ITPRID1: variants seen among roughly 807,000 people sequenced by gnomAD.
The protein encoded by ITPRID1 is protein ITPRID1.
Under a neutral mutation model 95.4 loss-of-function variants are expected in ITPRID1, and 96 were observed. The observed-to-expected ratio is 1.01, with a 90% CI of 0.85 to 1.19. The LOEUF (loss-of-function observed/expected upper bound fraction) is 1.19. Among genes scored for constraint, ITPRID1 ranks in the 50% most tolerant of loss-of-function variants. ITPRID1 has a pLI of 0.00. For synonymous variants in ITPRID1, 510 were observed against 453.6 expected (o/e 1.12, Z -1.58); for missense variants, 1,339 against 1,252.9 (o/e 1.07, Z -1.04).
intron 1 of ITPRID1, among the ~76,000 whole-genome samples, chr7:31,536,412 A>G (rs959994650): frequency 1.3e-5 from 2 of 152,000 alleles, no homozygotes; most frequent in Non-Finnish European, 2.9e-5. Context: ...CTTATTTATT[A>G]TACTTATTTT....
intron 14 of ITPRID1, among the ~76,000 whole-genome samples, 195 bp from the exon 15 acceptor site, chr7:31,652,323 A>G (rs1361227360): frequency 6.6e-6 from 1 of 152,128 alleles, no homozygotes; most frequent in Non-Finnish European, 1.5e-5. Context: ...CCAAATAAGA[A>G]TAAGAATCAC....
chr7:31,531,460 G>T (rs1165417205), intron 1 of ITPRID1, among the ~76,000 whole-genome samples: 1 of 152,160 alleles, frequency 6.6e-6, no homozygotes, highest in African/African-American at 2.4e-5. Context: ...TTTCTAATTT[G>T]GTTTTGAGGT....
chr7:31,541,432 A>C (rs191941718), intron 1 of ITPRID1, among the ~76,000 whole-genome samples: 1 of 152,230 alleles, frequency 6.6e-6, no homozygotes, highest in Non-Finnish European at 1.5e-5. Context: ...AAAGAGGACC[A>C]AAACAAGACA....
chr7:31,608,016 G>A (rs1786701768), intron 10 of ITPRID1, among the ~76,000 whole-genome samples: 1 of 151,878 alleles, frequency 6.6e-6, no homozygotes, highest in Admixed American at 6.6e-5. Context: ...ATCAATGATA[G>A]TTTCTGTGTA....
chr7:31,529,922 G>A (rs1783541153), intron 1 of ITPRID1: 1 of 919,448 alleles, frequency 1.1e-6, no homozygotes, highest in East Asian at 2.6e-5. Context: ...TGGAATGAAA[G>A]GGCAGCGATG....
chr7:31,534,221 G>A (rs985178000), intron 1 of ITPRID1, among the ~76,000 whole-genome samples: 23 of 152,194 alleles, frequency 1.5e-4, no homozygotes, highest in African/African-American at 5.3e-4. Context: ...AAAAGGTTGA[G>A]GACTGCTGGT....
At chr7:31,642,068 G>T in intron 10 of ITPRID1, 108 bp from the exon 11 acceptor site, 11 of 591,782 alleles carry the variant, frequency 1.9e-5, no homozygotes, top group Non-Finnish European at 2.6e-5. Context: ...CACACAGTGG[G>T]CATTTCTGCA....
chr7:31,534,738 T>C (rs1226261137), intron 1 of ITPRID1, among the ~76,000 whole-genome samples: 4 of 152,254 alleles, frequency 2.6e-5, no homozygotes, highest in East Asian at 1.9e-4. Context: ...AGGTGTTTTT[T>C]CCATGTACAT....
chr7:31,611,841 T>G (rs1362016872), intron 10 of ITPRID1, among the ~76,000 whole-genome samples: 2 of 151,944 alleles, frequency 1.3e-5, no homozygotes, highest in African/African-American at 4.8e-5. Context: ...TTTCTCTGAG[T>G]TTTTCCTCTC....
At chr7:31,650,775 TAAAC>T (rs1790875986) in intron 12 of ITPRID1, among the ~76,000 whole-genome samples, 1 of 152,176 alleles carries the variant, frequency 6.6e-6, no homozygotes, top group South Asian at 2.1e-4. Flanking sequence ...GCAACAAAGT[TAAAC>T]AAGATTAAAC....
chr7:31,606,473 GGA>G (rs1786631177), intron 10 of ITPRID1, among the ~76,000 whole-genome samples: 4 of 136,062 alleles, frequency 2.9e-5, no homozygotes, highest in South Asian at 4.8e-4. Context: ...GAGAGAGAGA[GGA>G]AAAAAAAGGA....
At chr7:31,628,898 A>G (rs1285708373) in intron 10 of ITPRID1, among the ~76,000 whole-genome samples, 1 of 152,252 alleles carries the variant, frequency 6.6e-6, no homozygotes, top group Non-Finnish European at 1.5e-5. Context: ...AGTGGACTCA[A>G]CAAGGACAAT....
intron 10 of ITPRID1, among the ~76,000 whole-genome samples, chr7:31,626,618 A>G (rs144980255): frequency 6.6e-6 from 1 of 152,336 alleles, no homozygotes; most frequent in East Asian, 1.9e-4. Flanking sequence ...ATTTGAATCA[A>G]AACAGTTTTT....
At position 31,529,806 on chromosome 7, in the gene ITPRID1, T is replaced by G. The variant is rs528641876; in HGVS notation, c.-98+15686T>G. 2.1e-4 allele frequency: 320 copies of G among 1,535,302 alleles called. 2 individuals are homozygous for G. The Middle Eastern group carries it at 2.7e-3, about 13-fold the overall frequency. On this transcript the variant is annotated intron_variant, in intron 1 of 14. Transcript: ENST00000615280. ...GCAAGTTGCAAGACCATTTCTCTGC[T>G]GAAACTCCTTTATTCTGGTACAGTA... is the stretch of plus-strand genomic sequence containing the variant.
At position 31,652,575 on chromosome 7, in the gene ITPRID1, A is replaced by T. The variant is rs1483684812; in HGVS notation, c.2881A>T (p.Asn961Tyr). The change falls in exon 15 of 15, where the codon AAC becomes TAC. Residue 961 changes from asparagine (N) to tyrosine (Y), a missense_variant. Physicochemically the swap from Asn to Tyr is moderately radical, Grantham distance 143 (BLOSUM62 -2). Coordinates refer to ENST00000615280, the MANE Select transcript of ITPRID1 (RefSeq NM_001257967.3). ...PEHYSNLHQY[N>Y]WIEESNGQTS... is the part of the protein sequence containing the mutation. The stretch of plus-strand genomic sequence containing the variant: ...ACACTATTCAAATCTGCATCAATAT[A>T]ACTGGATAGAAGAAAGCAATGGGCA... 6.2e-7 allele frequency: 1 copy of T among 1,611,556 alleles called. No individual in the cohort carries two copies. The highest frequency in any genetic ancestry group is 1.7e-5 in the Admixed American group (1 of 59,610).
chr7:31,627,520 G>A (rs1788574696), intron 10 of ITPRID1, among the ~76,000 whole-genome samples: 1 of 151,822 alleles, frequency 6.6e-6, no homozygotes, highest in African/African-American at 2.4e-5. Context: ...TAGTCCAATG[G>A]GATGGTGCAC....
chr7:31,586,110 A>C, intron 10 of ITPRID1, among the ~76,000 whole-genome samples: 1 of 137,186 alleles, frequency 7.3e-6, no homozygotes, highest in Admixed American at 7.6e-5. Context: ...TGTTCTTGCG[A>C]TAGTTTACTG....
intron 10 of ITPRID1, among the ~76,000 whole-genome samples, chr7:31,597,453 T>A (rs1314226346): frequency 1.3e-5 from 2 of 151,120 alleles, no homozygotes; most frequent in African/African-American, 4.9e-5. Flanking sequence ...TCAGTCTCCA[T>A]GCATCAGCAA....
At chr7:31,615,858 A>C (rs1347705119) in intron 10 of ITPRID1, among the ~76,000 whole-genome samples, 1 of 151,278 alleles carries the variant, frequency 6.6e-6, no homozygotes, top group Non-Finnish European at 1.5e-5. Context: ...GGTTCACGCC[A>C]ATCTCCTGCC....
Sources: gnomAD v4.1 joint callset for allele counts (sites outside exome capture counted in the v4.1 genomes callset) on GRCh38, gnomAD v4.1.1 for gene constraint, MANE v1.5 for transcripts, NCBI Gene and HGNC (gene_info 2026-07-23, HGNC 2026-07-21) for gene names.